The following DCLK1 variants were observed in gnomAD, a reference collection of about 807,000 sequenced individuals.
DCLK1 encodes the protein doublecortin like kinase 1.
DCLK1 carries 16 observed loss-of-function variants against 86.2 expected under a neutral mutation model. The observed-to-expected ratio is 0.19, with a 90% CI of 0.13 to 0.28. DCLK1 has a LOEUF of 0.28. Ranked by LOEUF, DCLK1 falls within the 10% of genes least tolerant of loss-of-function variation. The probability of loss-of-function intolerance (pLI) is 1.00; values close to 1 mark genes in which losing one functional copy is unlikely to be tolerated. For missense variants in DCLK1, 590 were observed against 940.2 expected (o/e 0.63, Z 4.87); for synonymous variants, 369 against 370.5 (o/e 1.00, Z 0.05).
intron 4 of DCLK1, among the ~76,000 whole-genome samples, chr13:35,902,900 G>A (rs1389200317): frequency 6.6e-6 from 1 of 152,086 alleles, no homozygotes; most frequent in African/African-American, 2.4e-5. Flanking sequence ...TCAAGACACT[G>A]CTAGGAATCT....
rs778709240 is a variant in DCLK1, at chr13:35,909,888, T to A, written c.823+37470A>T. Reference sequence around the variant, plus strand: ...CCCTGGGCATGAGACTTTGCCTCTCTCACCAAAAACAGGCTTGCTTCTACA... The same window carrying A: ...CCCTGGGCATGAGACTTTGCCTCTCACACCAAAAACAGGCTTGCTTCTACA... On this transcript the variant is annotated intron_variant, in intron 4 of 16. Coordinates refer to ENST00000360631, the MANE Select transcript of DCLK1 (RefSeq NM_001330071.2). 1.8e-4 allele frequency among the ~76,000 whole-genome samples: 27 copies of A among 152,150 alleles called. 1 individual carries two copies. The highest frequency in any genetic ancestry group is 3.5e-4 in the Non-Finnish European group (24 of 68,016).
chr13:35,866,488 A>G (rs112578236), intron 5 of DCLK1, among the ~76,000 whole-genome samples: 2 of 148,416 alleles, frequency 1.3e-5, no homozygotes, highest in Non-Finnish European at 3.0e-5. Context: ...GGTCTCACTC[A>G]GTCATCCAGG....
intron 4 of DCLK1, among the ~76,000 whole-genome samples, chr13:35,874,241 A>G (rs1017743989): frequency 6.8e-6 from 1 of 147,250 alleles, no homozygotes; most frequent in Non-Finnish European, 1.5e-5. Context: ...ATTGCTTTAT[A>G]TAAACATCGT....
At chr13:36,129,525 C>T (rs1408913518) in intron 1 of DCLK1, among the ~76,000 whole-genome samples, 1 of 152,192 alleles carries the variant, frequency 6.6e-6, no homozygotes, top group African/African-American at 2.4e-5. Context: ...ACACTCCACA[C>T]CCTAGTGTGC....
In DCLK1 at chr13:35,997,430, C is replaced by G. The variant is rs1385093654; in HGVS notation, c.724-49973G>C. ...TGGAGGCAAAGAACATTTTCCCTCT[C>G]TTGGCTTTTTCCAGTGTGAATGGAA... On this transcript the variant is annotated intron_variant, in intron 3 of 16. Coordinates refer to ENST00000360631, the MANE Select transcript of DCLK1 (RefSeq NM_001330071.2). Among the ~76,000 whole-genome samples, 4 of 152,218 alleles carry G rather than the reference C, an allele frequency of 2.6e-5. No individual in the cohort carries two copies. The East Asian group carries it at 7.7e-4, about 29-fold the overall frequency.
chr13:35,883,733 T>C (rs185100921), intron 4 of DCLK1, among the ~76,000 whole-genome samples: 112 of 152,248 alleles, frequency 7.4e-4, no homozygotes, highest in African/African-American at 2.3e-3. Flanking sequence ...ATGGAGGTGA[T>C]AGAAACGGAT....
intron 3 of DCLK1, among the ~76,000 whole-genome samples, chr13:36,041,839 A>G (rs1882712207): frequency 6.6e-6 from 1 of 152,208 alleles, no homozygotes; most frequent in South Asian, 2.1e-4. Context: ...AATATTTCAA[A>G]TTTTAGCTTC....
At chr13:35,997,707 A>G (rs1325680743) in intron 3 of DCLK1, among the ~76,000 whole-genome samples, 1 of 152,218 alleles carries the variant, frequency 6.6e-6, no homozygotes, top group Admixed American at 6.5e-5. Flanking sequence ...CAGATATAAA[A>G]GAACTTCCCC....
chr13:35,849,476 T>C (rs1566566097), intron 6 of DCLK1: 1 of 985,298 alleles, frequency 1.0e-6, no homozygotes, highest in East Asian at 1.1e-4. Context: ...CTTAAACTGT[T>C]AGTGTTTGAA....
chr13:36,101,230 C>T (rs562339631), intron 3 of DCLK1, among the ~76,000 whole-genome samples: 3 of 152,202 alleles, frequency 2.0e-5, no homozygotes, highest in African/African-American at 7.2e-5. Context: ...CCTCGGGATC[C>T]GTGTTTCCAC....
rs139290185 is a variant in DCLK1 at position 35,808,810 on chromosome 13, G to T, written c.1766+208C>A. 3.3e-5 allele frequency among the ~76,000 whole-genome samples: 5 copies of T among 151,710 alleles called. No homozygotes were observed. In the East Asian group the frequency reaches 9.7e-4, roughly 29 times the overall value. ...CCAGAAAGAAAAAAAAAAAAAGAAA[G>T]AATGAGTTTTTAATGATATGGGGAA... On this transcript the variant is annotated intron_variant, in intron 13 of 16. Transcript: ENST00000360631.
intron 15 of DCLK1, among the ~76,000 whole-genome samples, chr13:35,799,128 T>C (rs1243594266): frequency 6.6e-6 from 1 of 152,206 alleles, no homozygotes; most frequent in Admixed American, 6.5e-5. Context: ...ATCTGTGAGC[T>C]TTTAAAAGTC....
intron 4 of DCLK1, among the ~76,000 whole-genome samples, chr13:35,903,652 T>TACAC (rs56345575): frequency 0.026 from 3,884 of 150,252 alleles, 44 homozygotes; most frequent in Non-Finnish European, 0.031. Context: ...AGGCTATACA[T>TACAC]ACACACACAC....
intron 3 of DCLK1, among the ~76,000 whole-genome samples, chr13:36,027,195 A>T (rs1882075007): frequency 6.6e-6 from 1 of 152,152 alleles, no homozygotes. Flanking sequence ...GGGTGGGGTG[A>T]TGGATGGTTT....
At chr13:35,883,246 G>A (rs186639440) in intron 4 of DCLK1, among the ~76,000 whole-genome samples, 23 of 152,300 alleles carry the variant, frequency 1.5e-4, no homozygotes, top group Admixed American at 5.2e-4. Context: ...TGTGGGAGGC[G>A]GGGCCTAATG....
chr13:35,973,883 A>G (rs1879190232), intron 3 of DCLK1, among the ~76,000 whole-genome samples: 1 of 152,078 alleles, frequency 6.6e-6, no homozygotes, highest in African/African-American at 2.4e-5. Flanking sequence ...ATGAACCTGG[A>G]GCAGGGACAG....
At chr13:35,860,124 T>G (rs559592750) in intron 5 of DCLK1, among the ~76,000 whole-genome samples, 1 of 152,084 alleles carries the variant, frequency 6.6e-6, no homozygotes, top group African/African-American at 2.4e-5. Context: ...GGGGAGAGAA[T>G]GTGTTTGCAT....
At chr13:35,963,288 C>T (rs1482190347) in intron 3 of DCLK1, among the ~76,000 whole-genome samples, 8 of 152,188 alleles carry the variant, frequency 5.3e-5, no homozygotes, top group African/African-American at 9.7e-5. Flanking sequence ...GAGCCTACTA[C>T]GCTTGAGACA....
intron 16 of DCLK1, among the ~76,000 whole-genome samples, chr13:35,781,939 T>C (rs1217916830): frequency 6.6e-6 from 1 of 152,198 alleles, no homozygotes; most frequent in Non-Finnish European, 1.5e-5. Flanking sequence ...CTCTCAGGCT[T>C]ATTGCAGTTC....
Sources: allele counts gnomAD v4.1 joint callset (sites outside exome capture counted in the v4.1 genomes callset), GRCh38; gene constraint gnomAD v4.1.1; transcripts MANE v1.5; gene names NCBI Gene and HGNC (gene_info 2026-07-23, HGNC 2026-07-21).